MAP3K14: variants seen among roughly 807,000 people sequenced by gnomAD.
MAP3K14 encodes NF-kappa-beta-inducing kinase.
MAP3K14 carries 16 observed loss-of-function variants against 99.2 expected under a neutral mutation model. The ratio of observed to expected loss-of-function variants is 0.16; its 90% CI spans 0.11 to 0.24. MAP3K14 has a LOEUF of 0.24. MAP3K14 is among the 10% of genes least tolerant of loss of function. The pLI, the probability that MAP3K14 is intolerant of heterozygous loss-of-function variation, is 1.00. For missense variants in MAP3K14, 784 were observed against 1,208.7 expected (o/e 0.65, Z 5.21); for synonymous variants, 462 against 492.4 (o/e 0.94, Z 0.82).
At position 45,267,120 on chromosome 17, in the gene MAP3K14, C is replaced by G. The variant is rs749266847; in HGVS notation, c.2405G>C (p.Ser802Thr). 96 of 1,595,382 alleles carry G rather than the reference C, an allele frequency of 6.0e-5. No individual in the cohort carries two copies. The highest frequency in any genetic ancestry group is 8.1e-5 in the Non-Finnish European group (95 of 1,170,960). ...CTCACTGTCATCCGACAGGGAGAGGCTGTCGATGCTGAGGCACGAGAGAAT... is the reference window on the plus strand; with the variant it reads ...CTCACTGTCATCCGACAGGGAGAGGGTGTCGATGCTGAGGCACGAGAGAAT... ...EQILSCLSID[S>T]LSLSDDSEKN... Residue 802 changes from serine to threonine, a missense_variant, in exon 13 of 16, where the codon AGC (serine) becomes ACC (threonine). Ser to Thr is a moderately conservative substitution (Grantham distance 58). Around this residue, in one of 5 missense-constraint regions of MAP3K14, gnomAD observed 130 missense variants for 220.4 expected, o/e 0.59. Transcript: ENST00000344686. This position sits in a 1 kb window ranked among gnomAD's most constrained non-coding sequence, Gnocchi z 5.1.
In MAP3K14 at chr17:45,270,401, G is replaced by T; in HGVS notation, c.1972+12C>A. On this transcript the variant is annotated intron_variant, in intron 11 of 15. Coordinates refer to ENST00000344686, the MANE Select transcript of MAP3K14 (RefSeq NM_003954.5). ...CTGCCCCCCGGGTCAGCCAGCGTGG[G>T]GCTCTTCCTACCTTGCTGTAGTGCC... is the stretch of plus-strand genomic sequence containing the variant. The T allele has an allele frequency of 1.2e-6, 2 of 1,608,422 alleles. No individual in the cohort carries two copies. Among genetic ancestry groups the T allele is most frequent in the Non-Finnish European group, 1.7e-6 (2 of 1,178,472 alleles).
chr17:45,268,027 A>G (rs1252304251), intron 11 of MAP3K14: 1 of 412,906 alleles, frequency 2.4e-6, no homozygotes, highest in African/African-American at 2.1e-5. Flanking sequence ...AGCAAATTCA[A>G]AAACTACAGA....
At chr17:45,292,019 T>G (rs1030303211) in intron 1 of MAP3K14, among the ~76,000 whole-genome samples, 2 of 152,234 alleles carry the variant, frequency 1.3e-5, no homozygotes, top group Non-Finnish European at 2.9e-5. Flanking sequence ...GGTTGAAGCA[T>G]TCCTCCTTCT....
At chr17:45,284,693 T>C in intron 6 of MAP3K14, 119 bp downstream of exon 6, 1 of 1,336,254 alleles carries the variant, frequency 7.5e-7, no homozygotes, top group Non-Finnish European at 9.9e-7. Flanking sequence ...GATAGCCAAG[T>C]TCTGTTCACA....
At chr17:45,271,282 T>TG (rs1420330718) in intron 9 of MAP3K14, 61 bp from the exon 10 acceptor site, 6 of 1,453,488 alleles carry the variant, frequency 4.1e-6, no homozygotes, top group Non-Finnish European at 5.6e-6. Flanking sequence ...GCCTAGGCAA[T>TG]GGCCACCCTG....
chr17:45,264,327 C>T lies in MAP3K14; in HGVS notation c.*309G>A, dbSNP rs948739510. 12 of 272,506 alleles carry T rather than the reference C, an allele frequency of 4.4e-5. No individual in the cohort carries two copies. Among genetic ancestry groups the T allele is most frequent in the East Asian group, 7.5e-5 (1 of 13,288 alleles). 16.9% of individuals were successfully genotyped at this position (272,506 alleles called of 1,614,324 possible). On this transcript the variant is annotated 3_prime_UTR_variant, in exon 16 of 16. Coordinates refer to ENST00000344686, the MANE Select transcript of MAP3K14 (RefSeq NM_003954.5). ...GCCAGCAAATGGTCACTGATCCAAG[C>T]GGGTCAGGCCAACTCGACTGGAGCA...
intron 1 of MAP3K14, among the ~76,000 whole-genome samples, chr17:45,315,726 G>A (rs2044525356): frequency 6.6e-6 from 1 of 152,076 alleles, no homozygotes; most frequent in Non-Finnish European, 1.5e-5. Context: ...CTTAGTCCCA[G>A]CTATGAGGCA....
chr17:45,274,098 C>T, intron 8 of MAP3K14, 25 bp downstream of exon 8: 1 of 1,604,966 alleles, frequency 6.2e-7, no homozygotes, highest in East Asian at 2.2e-5. Flanking sequence ...TGCTGGGGAT[C>T]AGGGCCGTGG....
At chr17:45,289,487 C>T (rs2044294342) in intron 2 of MAP3K14, among the ~76,000 whole-genome samples, 182 bp from the exon 3 acceptor site, 1 of 152,148 alleles carries the variant, frequency 6.6e-6, no homozygotes, top group Non-Finnish European at 1.5e-5. Context: ...CCCAGCTTCT[C>T]AGCTTACTGG....
At chr17:45,278,679 C>CCTTT (rs2044197476) in intron 6 of MAP3K14, among the ~76,000 whole-genome samples, 1 of 139,166 alleles carries the variant, frequency 7.2e-6, no homozygotes, top group African/African-American at 2.7e-5. Context: ...CCATGCTGAA[C>CCTTT]TTTTTTTTTT....
At chr17:45,274,614 C>A in intron 6 of MAP3K14, 21 bp from the exon 7 acceptor site, 1 of 1,611,390 alleles carries the variant, frequency 6.2e-7, no homozygotes, top group Non-Finnish European at 8.5e-7. Flanking sequence ...CCAGAGGCAG[C>A]TGTTAAGACA....
At chr17:45,301,767 AT>A (rs2044390115) in intron 1 of MAP3K14, among the ~76,000 whole-genome samples, 1 of 150,670 alleles carries the variant, frequency 6.6e-6, no homozygotes, top group Admixed American at 6.6e-5. Flanking sequence ...ATGATTTAAT[AT>A]TTCTTTTTAT....
At chr17:45,294,126 C>T (rs888815234) in intron 1 of MAP3K14, among the ~76,000 whole-genome samples, 9 of 152,254 alleles carry the variant, frequency 5.9e-5, no homozygotes, top group Admixed American at 5.2e-4. Flanking sequence ...CCTAGACACT[C>T]TCCTCAGCTT....
intron 1 of MAP3K14, among the ~76,000 whole-genome samples, chr17:45,302,110 C>G (rs2044393184): frequency 6.6e-6 from 1 of 151,766 alleles, no homozygotes; most frequent in African/African-American, 2.4e-5. Context: ...GCATTACAGG[C>G]ATGAGCCACT....
chr17:45,302,700 G>A (rs925790489), intron 1 of MAP3K14, among the ~76,000 whole-genome samples: 1 of 152,200 alleles, frequency 6.6e-6, no homozygotes, highest in African/African-American at 2.4e-5. Context: ...CTTGAGATTG[G>A]GGCTTTATAA....
At position 45,307,316 on chromosome 17, in the gene MAP3K14, G is replaced by A. The variant is rs571168616; in HGVS notation, c.-21+9644C>T. Among the ~76,000 whole-genome samples, 18 of 151,786 alleles carry A rather than the reference G, an allele frequency of 1.2e-4. 1 individual carries two copies. Among genetic ancestry groups the A allele is most frequent in the African/African-American group, 4.1e-4 (17 of 41,386 alleles). On this transcript the variant is annotated intron_variant, in intron 1 of 15. Coordinates refer to ENST00000344686, the MANE Select transcript of MAP3K14 (RefSeq NM_003954.5). ...AATTAAAAAAATTTCAAGTGTCATC[G>A]AAATCAGCAACTTAGGGTATTTTGT...
intron 1 of MAP3K14, among the ~76,000 whole-genome samples, chr17:45,305,054 T>C (rs939870479): frequency 6.6e-6 from 1 of 152,190 alleles, no homozygotes; most frequent in African/African-American, 2.4e-5. Flanking sequence ...AGTCAGACCT[T>C]TGTATGACTG....
In MAP3K14 at chr17:45,267,768, CAG is replaced by C. The variant is rs1467265962; in HGVS notation, c.1973-11_1973-10del. Reference sequence around the variant, plus strand: ...GCTCTTCAGACCTCCCACTAGAAAACAGAGAGTACAATGGTGAGGGGAAGCGT... The same window carrying C: ...GCTCTTCAGACCTCCCACTAGAAAACAGAGTACAATGGTGAGGGGAAGCGT... On this transcript the variant is annotated splice_polypyrimidine_tract_variant and intron_variant, in intron 11 of 15. Coordinates refer to ENST00000344686, the MANE Select transcript of MAP3K14 (RefSeq NM_003954.5). The surrounding 1 kb of genome is among the most constrained non-coding windows in gnomAD (Gnocchi z 5.1). The C allele has an allele frequency of 1.9e-6, 3 of 1,602,366 alleles. No homozygotes were observed. Among genetic ancestry groups the C allele is most frequent in the Non-Finnish European group, 2.5e-6 (3 of 1,177,082 alleles).
intron 10 of MAP3K14, 34 bp downstream of exon 10, chr17:45,271,023 TC>T: frequency 6.2e-7 from 1 of 1,601,880 alleles, no homozygotes. Flanking sequence ...GCCCTGCAGC[TC>T]CCCCTGTTGG....
Sources: gnomAD v4.1 joint callset for allele counts (sites outside exome capture counted in the v4.1 genomes callset) on GRCh38, gnomAD v4.1.1 for gene constraint, gnomAD v4.1.1 regional missense constraint, Gnocchi (gnomAD v3.1) non-coding constraint, MANE v1.5 for transcripts, NCBI Gene and HGNC (gene_info 2026-07-23, HGNC 2026-07-21) for gene names.